Variants in FBN3 observed in about 807,000 individuals in gnomAD.
The protein encoded by FBN3 is fibrillin-3.
Under a neutral mutation model 330.1 loss-of-function variants are expected in FBN3, and 234 were observed. The ratio of observed to expected loss-of-function variants is 0.71; its 90% confidence interval spans 0.64 to 0.79. FBN3 has a LOEUF of 0.79. Among genes scored for constraint, FBN3 ranks in the 30% least tolerant of loss-of-function variants. FBN3 has a pLI of 0.00. For missense variants in FBN3, 3,606 were observed against 3,886.9 expected (o/e 0.93, Z 1.92); for synonymous variants, 1,458 against 1,517.3 (o/e 0.96, Z 0.91).
In FBN3 at chr19:8,145,863, G is replaced by A. The variant is rs1401612638; in HGVS notation, c.425C>T (p.Thr142Ile). Reference protein sequence around the residue: ...GASCLCQKGYTGTVCGQPICD... With the variant: ...GASCLCQKGYIGTVCGQPICD... Reference sequence around the variant, plus strand: ...CTCACGCTGCCCACACACGGTGCCTGTGTAGCCCTTCTGACACAGACAGGA... The same window carrying A: ...CTCACGCTGCCCACACACGGTGCCTATGTAGCCCTTCTGACACAGACAGGA... The change falls in exon 5 of 64, where the codon ACA becomes ATA. Residue 142 changes from threonine (T) to isoleucine (I), a missense_variant. Coordinates refer to ENST00000600128, the MANE Select transcript of FBN3 (RefSeq NM_032447.5). The A allele has an allele frequency of 6.4e-7, 1 of 1,551,142 alleles. No homozygotes were observed. Among genetic ancestry groups the A allele is most frequent in the Non-Finnish European group, 8.7e-7 (1 of 1,146,924 alleles).
intron 56 of FBN3, among the ~76,000 whole-genome samples, chr19:8,084,874 C>T (rs1264732188): frequency 2.0e-5 from 3 of 151,540 alleles, no homozygotes; most frequent in South Asian, 2.1e-4. Flanking sequence ...AAGTGTGAGC[C>T]ACTGTGCCCG....
At chr19:8,072,378 G>T in intron 62 of FBN3, among the ~76,000 whole-genome samples, 180 bp from the exon 63 acceptor site, 1 of 152,200 alleles carries the variant, frequency 6.6e-6, no homozygotes, top group Admixed American at 6.5e-5. Flanking sequence ...CCACATAAGG[G>T]TGTGCATGTG....
chr19:8,131,715 A>G lies in FBN3; in HGVS notation c.1829T>C (p.Val610Ala). 1 of 1,613,910 alleles carries G rather than the reference A, an allele frequency of 6.2e-7. No homozygotes were observed. Among genetic ancestry groups the G allele is most frequent in the Non-Finnish European group, 8.5e-7 (1 of 1,179,952 alleles). The change falls in exon 15 of 64, where the codon GTG becomes GCG. Residue 610 changes from valine to alanine, a missense_variant. Physicochemically the swap from Val to Ala is moderately conservative, Grantham distance 64. Transcript: ENST00000600128. The surrounding 1 kb of genome is among the most constrained non-coding windows in gnomAD (Gnocchi z 4.5). ...GGLAVGTDGRVCVDTHVRSTC... is the reference protein window; with the variant it reads ...GGLAVGTDGRACVDTHVRSTC... Reference sequence around the variant, plus strand: ...GCTGCGCACGTGGGTGTCCACGCACACGCGGCCATCCGTGCCTACCGCCAG... The same window carrying G: ...GCTGCGCACGTGGGTGTCCACGCACGCGCGGCCATCCGTGCCTACCGCCAG...
Position 8,136,283 on chromosome 19 carries a change from A to C in FBN3, c.1372T>G (p.Cys458Gly). The change falls in exon 12 of 64, where the codon TGC becomes GGC. Residue 458 changes from cysteine to glycine, a missense_variant. Physicochemically the swap from Cys to Gly is radical, Grantham distance 159. Coordinates refer to ENST00000600128, the MANE Select transcript of FBN3 (RefSeq NM_032447.5). ...IDVDECTSSP[C>G]HHGDCVNIPG... ...ATGTTGACGCAGTCACCGTGGTGGC[A>C]GGGGCTGCTGGTGCATTCGTCTACA... The C allele has an allele frequency of 1.2e-6, 2 of 1,603,788 alleles. No individual in the cohort carries two copies. Among genetic ancestry groups the C allele is most frequent in the Non-Finnish European group, 1.7e-6 (2 of 1,176,104 alleles).
intron 30 of FBN3, among the ~76,000 whole-genome samples, chr19:8,114,968 A>G (rs1490480446): frequency 3.3e-5 from 5 of 152,120 alleles, no homozygotes; most frequent in African/African-American, 1.2e-4. Context: ...TCCCGGGTTC[A>G]AATGATTCTC....
intron 30 of FBN3, among the ~76,000 whole-genome samples, chr19:8,114,407 G>A (rs775528771): frequency 1.4e-4 from 22 of 152,024 alleles, no homozygotes; most frequent in South Asian, 8.3e-4. Context: ...GCGCCACCAC[G>A]CCCAGCTAAT....
chr19:8,126,422 A>C (rs746629164), intron 20 of FBN3, 46 bp downstream of exon 20: 1 of 1,597,478 alleles, frequency 6.3e-7, no homozygotes, highest in Middle Eastern at 1.7e-4. Flanking sequence ...CGCCCCATGG[A>C]GGGCTTTTCC....
intron 41 of FBN3, among the ~76,000 whole-genome samples, chr19:8,099,903 G>A (rs531575528): frequency 1.3e-5 from 2 of 151,752 alleles, no homozygotes; most frequent in East Asian, 2.0e-4. Flanking sequence ...TCAGCTACTC[G>A]GGAGGCTGAG....
Position 8,118,884 on chromosome 19 carries a change from G to C in FBN3, c.3337+13C>G. 1 of 1,605,392 alleles carries C rather than the reference G, an allele frequency of 6.2e-7. No individual in the cohort carries two copies. Among genetic ancestry groups the C allele is most frequent in the Non-Finnish European group, 8.5e-7 (1 of 1,172,808 alleles). On this transcript the variant is annotated intron_variant, in intron 26 of 63. Coordinates refer to ENST00000600128, the MANE Select transcript of FBN3 (RefSeq NM_032447.5). ...GCTAACACTCACACTTGCACACCCAGATGCACACTTACCCTCACAGGCAGT... is the reference window on the plus strand; with the variant it reads ...GCTAACACTCACACTTGCACACCCACATGCACACTTACCCTCACAGGCAGT...
chr19:8,138,670 C>A, intron 8 of FBN3, 106 bp from the exon 9 acceptor site: 1 of 1,174,730 alleles, frequency 8.5e-7, no homozygotes. Flanking sequence ...GTCTGTTTGC[C>A]GCTCTGTGCC....
intron 55 of FBN3, among the ~76,000 whole-genome samples, chr19:8,085,853 A>G (rs2081931620): frequency 6.6e-6 from 1 of 151,842 alleles, no homozygotes; most frequent in African/African-American, 2.4e-5. Context: ...GAAGGGACAG[A>G]GGGAAGAGGG....
chr19:8,141,402 T>A (rs1332856011), intron 8 of FBN3, among the ~76,000 whole-genome samples: 2 of 148,104 alleles, frequency 1.4e-5, no homozygotes, highest in Middle Eastern at 7.1e-3. Flanking sequence ...GACAGACAGC[T>A]GAACAAGGGG....
intron 10 of FBN3, among the ~76,000 whole-genome samples, chr19:8,137,190 T>G (rs112483168): frequency 1.2e-5 from 1 of 82,418 alleles, no homozygotes; most frequent in Admixed American, 1.3e-4. Flanking sequence ...CAACCTGGGG[T>G]CTAGATCCCT....
chr19:8,127,054 T>TTG (rs1403000084), intron 18 of FBN3, among the ~76,000 whole-genome samples: 1 of 110,372 alleles, frequency 9.1e-6, no homozygotes, highest in South Asian at 3.9e-4. Flanking sequence ...AACTGTTTTT[T>TTG]TTTTGTTTTT....
In FBN3 at chr19:8,073,097, C is replaced by T. The variant is rs758436991; in HGVS notation, c.7903G>A (p.Gly2635Ser). Reference protein sequence around the residue: ...CANTPGGFLCGCPQGYFRAGQ... With the variant: ...CANTPGGFLCSCPQGYFRAGQ... ...GCCCGGAAGTAGCCTTGAGGACAGC[C>T]GCACAGGAAGCCACCAGGCGTGTTG... is the stretch of plus-strand genomic sequence containing the variant. Residue 2635 changes from glycine to serine, a missense_variant, in exon 62 of 64, where the codon GGC becomes AGC. Coordinates refer to ENST00000600128, the MANE Select transcript of FBN3 (RefSeq NM_032447.5). 1.1e-5 allele frequency: 17 copies of T among 1,612,986 alleles called. No individual in the cohort carries two copies. Among genetic ancestry groups the T allele is most frequent in the South Asian group, 2.2e-5 (2 of 91,024 alleles).
intron 41 of FBN3, among the ~76,000 whole-genome samples, chr19:8,100,599 A>G (rs143332532): frequency 0.013 from 1,989 of 152,304 alleles, 46 homozygotes; most frequent in African/African-American, 0.045. Flanking sequence ...CGGCCTCCCA[A>G]AGTGCTGGGA....
rs2083244372 is a variant in FBN3, at chr19:8,134,975, C to T, written c.1591+986G>A. ...AATAAATATAAATATATATATTTTACATATATATATATATATTTTTTGAAA... is the reference window on the plus strand; with the variant it reads ...AATAAATATAAATATATATATTTTATATATATATATATATATTTTTTGAAA... On this transcript the variant is annotated intron_variant, in intron 13 of 63. Coordinates refer to ENST00000600128, the MANE Select transcript of FBN3 (RefSeq NM_032447.5). Among the ~76,000 whole-genome samples the T allele has an allele frequency of 2.7e-5, 4 of 147,188 alleles. No individual in the cohort carries two copies. In the South Asian group the frequency reaches 8.5e-4, roughly 31 times the overall value.
intron 51 of FBN3, among the ~76,000 whole-genome samples, chr19:8,088,825 A>G (rs2144680337): frequency 6.6e-6 from 1 of 152,336 alleles, no homozygotes; most frequent in South Asian, 2.1e-4. Context: ...GTGAACAAAC[A>G]AGCAAGTGAA....
Position 8,096,599 on chromosome 19 carries a change from G to A in FBN3, c.5414-30C>T. 6.3e-7 allele frequency: 1 copy of A among 1,587,718 alleles called. No individual in the cohort carries two copies. On this transcript the variant is annotated intron_variant, in intron 43 of 63. Coordinates refer to ENST00000600128, the MANE Select transcript of FBN3 (RefSeq NM_032447.5). The surrounding 1 kb of genome is among the most constrained non-coding windows in gnomAD (Gnocchi z 4.6). ...GGGTGCAGAGAGCATGGTGTTCCCA[G>A]GGCTCCTACCACAGTGTTTGCCTGA...
Sources: allele counts gnomAD v4.1 joint callset (sites outside exome capture counted in the v4.1 genomes callset), GRCh38; gene constraint gnomAD v4.1.1; non-coding constraint Gnocchi (gnomAD v3.1); transcripts MANE v1.5; gene names NCBI Gene and HGNC (gene_info 2026-07-23, HGNC 2026-07-21).